CSTPP1: variants seen among roughly 807,000 people sequenced by gnomAD.
CSTPP1 encodes centriolar satellite-associated tubulin polyglutamylase complex regulator 1, also known as UPF0705 protein C11orf49.
chr11:47,147,725 T>C, the CSTPP1 span, among the ~76,000 whole-genome samples: 4 of 152,284 alleles, frequency 2.6e-5, no homozygotes, highest in East Asian at 7.7e-4. Flanking sequence ...CAGAGAGGCC[T>C]GTATTTGAAT....
At chr11:46,956,376 G>T in the CSTPP1 span, among the ~76,000 whole-genome samples, 1 of 152,190 alleles carries the variant, frequency 6.6e-6, no homozygotes, top group South Asian at 2.1e-4. Flanking sequence ...AATACAAAAA[G>T]AACTTTGTAA....
the CSTPP1 span, among the ~76,000 whole-genome samples, chr11:46,975,324 A>G: frequency 6.6e-6 from 1 of 152,228 alleles, no homozygotes; most frequent in Non-Finnish European, 1.5e-5. Context: ...TGCAATAACA[A>G]AGTGATTTGT....
the CSTPP1 span, among the ~76,000 whole-genome samples, chr11:47,015,499 A>T: frequency 3.0e-4 from 46 of 151,750 alleles, 2 homozygotes; most frequent in East Asian, 5.8e-3. Context: ...ACAAACAAAA[A>T]ATATATATAT....
At chr11:47,038,038 C>A in the CSTPP1 span, among the ~76,000 whole-genome samples, 1 of 117,192 alleles carries the variant, frequency 8.5e-6, no homozygotes. Flanking sequence ...CCTCACTTCC[C>A]AGTAGGGGCG....
At chr11:47,022,457 C>T in the CSTPP1 span, among the ~76,000 whole-genome samples, 1 of 137,268 alleles carries the variant, frequency 7.3e-6, no homozygotes. Flanking sequence ...GCAACCTCTG[C>T]CTCCTGGGTT....
the CSTPP1 span, among the ~76,000 whole-genome samples, chr11:46,945,872 A>G: frequency 6.6e-6 from 1 of 152,124 alleles, no homozygotes; most frequent in Non-Finnish European, 1.5e-5. Context: ...TATGTGACCT[A>G]TATGGTTCTA....
At chr11:46,955,274 A>T in the CSTPP1 span, among the ~76,000 whole-genome samples, 1 of 151,770 alleles carries the variant, frequency 6.6e-6, no homozygotes, top group African/African-American at 2.4e-5. Flanking sequence ...GAAGGCCCCC[A>T]ATTGCATCTC....
At chr11:47,092,039 A>G in the CSTPP1 span, among the ~76,000 whole-genome samples, 1 of 152,198 alleles carries the variant, frequency 6.6e-6, no homozygotes. Flanking sequence ...CATATCCCAT[A>G]TTACTGGCTT....
the CSTPP1 span, among the ~76,000 whole-genome samples, chr11:47,056,448 T>C: frequency 1.3e-5 from 2 of 152,230 alleles, no homozygotes; most frequent in South Asian, 4.1e-4. Flanking sequence ...ATTTGGACTC[T>C]TAGCAGATGT....
At chr11:47,107,033 ACC>A in the CSTPP1 span, among the ~76,000 whole-genome samples, 1 of 152,090 alleles carries the variant, frequency 6.6e-6, no homozygotes, top group African/African-American at 2.4e-5. Flanking sequence ...AACCATCAGG[ACC>A]CCCAAACCTT....
the CSTPP1 span, among the ~76,000 whole-genome samples, chr11:47,103,187 C>T: frequency 6.6e-6 from 1 of 151,818 alleles, no homozygotes; most frequent in Non-Finnish European, 1.5e-5. Flanking sequence ...CGCTTGAGCC[C>T]TGGAGTTCAA....
At chr11:47,033,385 C>G in the CSTPP1 span, among the ~76,000 whole-genome samples, 3 of 152,150 alleles carry the variant, frequency 2.0e-5, no homozygotes, top group African/African-American at 7.2e-5. Flanking sequence ...GCCAGATGGT[C>G]TAATGTCAGT....
chr11:46,940,268 G>A, the CSTPP1 span, among the ~76,000 whole-genome samples: 3 of 152,206 alleles, frequency 2.0e-5, no homozygotes, highest in South Asian at 4.1e-4. Flanking sequence ...AACCAGTCCC[G>A]CACTGGTAAA....
the CSTPP1 span, among the ~76,000 whole-genome samples, chr11:46,974,204 A>G: frequency 6.6e-6 from 1 of 152,062 alleles, no homozygotes; most frequent in African/African-American, 2.4e-5. Context: ...ACTGCACTCC[A>G]CTGTGGGCAA....
the CSTPP1 span, among the ~76,000 whole-genome samples, chr11:47,040,543 G>T: frequency 6.3e-5 from 8 of 126,260 alleles, 1 homozygote; most frequent in African/African-American, 1.2e-4. Context: ...TTTTTGAGGG[G>T]ATTTACATAC....
chr11:47,062,170 A>G, the CSTPP1 span, among the ~76,000 whole-genome samples: 2 of 152,084 alleles, frequency 1.3e-5, no homozygotes, highest in African/African-American at 4.8e-5. Context: ...ACAGTTTCTG[A>G]CTCAGTATTT....
At chr11:46,953,816 TA>T in the CSTPP1 span, among the ~76,000 whole-genome samples, 1 of 152,124 alleles carries the variant, frequency 6.6e-6, no homozygotes, top group Admixed American at 6.6e-5. Context: ...ATGGCGTAAT[TA>T]AATTTGAACA....
chr11:47,115,654 G>GAT, the CSTPP1 span, among the ~76,000 whole-genome samples: 1 of 151,972 alleles, frequency 6.6e-6, no homozygotes, highest in Non-Finnish European at 1.5e-5. Context: ...GATCGGTGAT[G>GAT]ATATCCCCTT....
chr11:47,024,029 G>A, the CSTPP1 span, among the ~76,000 whole-genome samples: 1 of 151,302 alleles, frequency 6.6e-6, no homozygotes, highest in Non-Finnish European at 1.5e-5. Flanking sequence ...TAAGAAACCA[G>A]TTTATGTTTA....
Sources: gnomAD v4.1 joint callset for allele counts (sites outside exome capture counted in the v4.1 genomes callset) on GRCh38, gnomAD v4.1.1 for gene constraint, MANE v1.5 for transcripts, NCBI Gene and HGNC (gene_info 2026-07-23, HGNC 2026-07-21) for gene names.